The following PEAK1 variants were observed in gnomAD, a reference collection of about 807,000 sequenced individuals.
PEAK1 encodes the protein inactive tyrosine-protein kinase PEAK1.
Under a neutral mutation model 124.7 loss-of-function variants are expected in PEAK1, and 54 were observed. That is an observed-to-expected ratio of 0.43 (90% confidence interval 0.35 to 0.54). The LOEUF is 0.54. Ranked by LOEUF, PEAK1 falls within the 20% of genes least tolerant of loss-of-function variation. PEAK1 has a pLI of 0.01. For synonymous variants in PEAK1, 719 were observed against 760.0 expected (o/e 0.95, Z 0.89); for missense variants, 2,046 against 2,134.5 (o/e 0.96, Z 0.82).
chr15:77,223,917 T>G (rs2059511207), intron 6 of PEAK1, among the ~76,000 whole-genome samples: 1 of 150,790 alleles, frequency 6.6e-6, no homozygotes, highest in South Asian at 2.1e-4. Context: ...TTTACTTATT[T>G]ATTGCTTACA....
chr15:77,335,298 T>C, intron 2 of PEAK1: 1 of 985,404 alleles, frequency 1.0e-6, no homozygotes, highest in Non-Finnish European at 1.2e-6. Flanking sequence ...TTATTCTGGG[T>C]TTTCTGGCAT....
At chr15:77,158,782 A>G in intron 7 of PEAK1, 86 bp from the exon 8 acceptor site, 1 of 1,293,266 alleles carries the variant, frequency 7.7e-7, no homozygotes, top group Admixed American at 1.9e-5. Flanking sequence ...CTTCCCATAA[A>G]TGTAAATAAC....
intron 1 of PEAK1, among the ~76,000 whole-genome samples, chr15:77,374,079 G>A (rs2068830997): frequency 6.6e-6 from 1 of 152,116 alleles, no homozygotes; most frequent in African/African-American, 2.4e-5. Context: ...TTTAAATAAA[G>A]TTTAAAAGCA....
intron 2 of PEAK1, among the ~76,000 whole-genome samples, chr15:77,364,256 CTG>C (rs1029203142): frequency 6.6e-6 from 1 of 152,026 alleles, no homozygotes; most frequent in African/African-American, 2.4e-5. Flanking sequence ...TTGCACATCT[CTG>C]TAAATATAAT....
chr15:77,282,716 G>A (rs2062734665), intron 5 of PEAK1, among the ~76,000 whole-genome samples: 1 of 152,138 alleles, frequency 6.6e-6, no homozygotes, highest in Admixed American at 6.6e-5. Flanking sequence ...ATGGGCCAAT[G>A]AGAAACTAAC....
At chr15:77,418,416 C>T in intron 1 of PEAK1, 1 of 985,404 alleles carries the variant, frequency 1.0e-6, no homozygotes, top group Non-Finnish European at 1.2e-6. Flanking sequence ...TCCCTTTCCC[C>T]CCCGACAGCA....
chr15:77,194,421 T>A (rs996130961), intron 6 of PEAK1, among the ~76,000 whole-genome samples: 1 of 152,242 alleles, frequency 6.6e-6, no homozygotes, highest in African/African-American at 2.4e-5. Flanking sequence ...CTCTTTGTGA[T>A]CTGCTACTGA....
intron 6 of PEAK1, among the ~76,000 whole-genome samples, chr15:77,226,243 C>A (rs1314090230): frequency 1.4e-5 from 2 of 146,656 alleles, no homozygotes; most frequent in Non-Finnish European, 1.5e-5. Context: ...AAAAAAAAAA[C>A]CCTGTCTTTG....
intron 1 of PEAK1, among the ~76,000 whole-genome samples, chr15:77,369,165 C>G (rs1425863798): frequency 6.6e-6 from 1 of 152,142 alleles, no homozygotes; most frequent in Admixed American, 6.5e-5. Flanking sequence ...AAAATAGTCT[C>G]AGACATTAAG....
chr15:77,404,542 T>C (rs1327557453), intron 1 of PEAK1: 1 of 663,972 alleles, frequency 1.5e-6, no homozygotes, highest in Admixed American at 6.3e-5. Context: ...TTCACCTGCT[T>C]TTTTGTACTT....
chr15:77,369,565 C>A (rs1178746694), intron 1 of PEAK1, among the ~76,000 whole-genome samples: 1 of 152,040 alleles, frequency 6.6e-6, no homozygotes, highest in Admixed American at 6.6e-5. Context: ...ATGGTTTTTA[C>A]GTATTTAAAG....
chr15:77,156,748 TGAAA>T (rs749744726), intron 8 of PEAK1: 23 of 152,220 alleles, frequency 1.5e-4, no homozygotes, highest in Non-Finnish European at 3.2e-4. Context: ...GAGGCTATCA[TGAAA>T]GAAATTTTGG....
chr15:77,279,664 A>G (rs1436379102), intron 5 of PEAK1, among the ~76,000 whole-genome samples: 1 of 152,200 alleles, frequency 6.6e-6, no homozygotes, highest in Non-Finnish European at 1.5e-5. Flanking sequence ...CCCTGTTCAG[A>G]GCATCACATG....
chr15:77,346,939 G>C (rs544856477), intron 2 of PEAK1, among the ~76,000 whole-genome samples: 7 of 152,288 alleles, frequency 4.6e-5, no homozygotes, highest in South Asian at 4.1e-4. Context: ...ACAAAACGCA[G>C]CCATGTAATA....
rs188126659 is a variant in PEAK1 at position 77,247,980 on chromosome 15, T to G, written c.-115+4387A>C. Reference sequence around the variant, plus strand: ...ATACTACTAATTTTATAAAATGAGTTGGGAAGTGTTAAATCTTCTTTTATT... The same window carrying G: ...ATACTACTAATTTTATAAAATGAGTGGGGAAGTGTTAAATCTTCTTTTATT... On this transcript the variant is annotated intron_variant, in intron 6 of 9. Transcript: ENST00000682557. 2.4e-3 allele frequency among the ~76,000 whole-genome samples: 368 copies of G among 152,310 alleles called. 1 individual carries two copies. The highest frequency in any genetic ancestry group is 0.014 in the Middle Eastern group (4 of 294).
intron 6 of PEAK1, among the ~76,000 whole-genome samples, chr15:77,198,575 A>G (rs2058217281): frequency 6.6e-6 from 1 of 152,234 alleles, no homozygotes; most frequent in Admixed American, 6.5e-5. Flanking sequence ...TCAATGCAGC[A>G]AGGCTAGCAG....
rs147200486 is a variant in PEAK1 at position 77,172,909 on chromosome 15, T to C, written c.3137+5881A>G. On this transcript the variant is annotated intron_variant, in intron 7 of 9. Transcript: ENST00000682557. ...CTGGGATCACAGGCACACACCACCATGCCCAGCTAATTTTTAAAATTTTTA... is the reference window on the plus strand; with the variant it reads ...CTGGGATCACAGGCACACACCACCACGCCCAGCTAATTTTTAAAATTTTTA... 4.5e-3 allele frequency among the ~76,000 whole-genome samples: 683 copies of C among 152,216 alleles called. 5 individuals are homozygous for C. The highest frequency in any genetic ancestry group is 0.016 in the African/African-American group (654 of 41,534).
chr15:77,319,741 G>C (rs1167027798), intron 2 of PEAK1, among the ~76,000 whole-genome samples: 3 of 152,102 alleles, frequency 2.0e-5, no homozygotes, highest in Non-Finnish European at 4.4e-5. Flanking sequence ...CTCTTAAATA[G>C]TTCTACCCCA....
chr15:77,192,206 G>A (rs1183584929), intron 6 of PEAK1, among the ~76,000 whole-genome samples: 1 of 152,198 alleles, frequency 6.6e-6, no homozygotes, highest in African/African-American at 2.4e-5. Context: ...GGATGCTGAG[G>A]TGGATGAGAG....
Sources: allele counts gnomAD v4.1 joint callset (sites outside exome capture counted in the v4.1 genomes callset), GRCh38; gene constraint gnomAD v4.1.1; transcripts MANE v1.5; gene names NCBI Gene and HGNC (gene_info 2026-07-23, HGNC 2026-07-21).